IGF2BP2: variants seen among roughly 807,000 people sequenced by gnomAD.
IGF2BP2 encodes the protein insulin like growth factor 2 mRNA binding protein 2, also known as insulin-like growth factor 2 mRNA-binding protein 2.
Under a neutral mutation model 75.8 loss-of-function variants are expected in IGF2BP2, and 17 were observed. The observed-to-expected ratio is 0.22, with a 90% CI of 0.15 to 0.34. IGF2BP2 has a LOEUF of 0.34. Ranked by LOEUF, IGF2BP2 falls within the 10% of genes least tolerant of loss-of-function variation. The pLI, the probability that IGF2BP2 is intolerant of heterozygous loss-of-function variation, is 1.00. For synonymous variants in IGF2BP2, 288 were observed against 295.6 expected (o/e 0.97, Z 0.26); for missense variants, 516 against 772.4 (o/e 0.67, Z 3.93).
chr3:185,706,884 G>A (rs1396743669), intron 2 of IGF2BP2, among the ~76,000 whole-genome samples: 1 of 151,826 alleles, frequency 6.6e-6, no homozygotes, highest in African/African-American at 2.4e-5. Context: ...GGGATGACAG[G>A]AGCGCACCAC....
chr3:185,812,810 C>G (rs1740083873), intron 2 of IGF2BP2, among the ~76,000 whole-genome samples: 1 of 152,174 alleles, frequency 6.6e-6, no homozygotes. Flanking sequence ...TTGGCATCTC[C>G]TTGGAATCCT....
At chr3:185,823,253 A>G in intron 1 of IGF2BP2, 40 bp from the exon 2 acceptor site, 3 of 1,528,916 alleles carry the variant, frequency 2.0e-6, no homozygotes, top group South Asian at 2.4e-5. Flanking sequence ...CCTTGCTTAG[A>G]TCAAGCCCGC....
chr3:185,810,634 C>T (rs565511694), intron 2 of IGF2BP2, among the ~76,000 whole-genome samples: 7 of 152,114 alleles, frequency 4.6e-5, no homozygotes, highest in African/African-American at 1.4e-4. Context: ...ATTAGCCAAG[C>T]GTGGTGGCGG....
chr3:185,803,951 C>T (rs1172356245), intron 2 of IGF2BP2, among the ~76,000 whole-genome samples: 1 of 152,012 alleles, frequency 6.6e-6, no homozygotes, highest in Non-Finnish European at 1.5e-5. Flanking sequence ...TGGTGAAACC[C>T]TATCTCTACT....
chr3:185,678,712 G>T (rs1017726974), intron 7 of IGF2BP2, among the ~76,000 whole-genome samples: 1 of 152,100 alleles, frequency 6.6e-6, no homozygotes, highest in African/African-American at 2.4e-5. Flanking sequence ...ATCCATTATT[G>T]AAAGTAGGGC....
intron 2 of IGF2BP2, among the ~76,000 whole-genome samples, chr3:185,760,435 T>G (rs1383652743): frequency 3.3e-5 from 5 of 152,162 alleles, no homozygotes; most frequent in Non-Finnish European, 5.9e-5. Flanking sequence ...AAGTGTACAG[T>G]TCAATGATTT....
rs189610455 is a variant in IGF2BP2 at position 185,785,560 on chromosome 3, T to C, written c.239+37593A>G. Among the ~76,000 whole-genome samples the C allele has an allele frequency of 2.5e-3, 384 of 152,152 alleles. 2 individuals carry two copies. Among genetic ancestry groups the C allele is most frequent in the Non-Finnish European group, 3.1e-3 (213 of 68,004 alleles). On this transcript the variant is annotated intron_variant, in intron 2 of 15. Transcript: ENST00000382199. Reference sequence around the variant, plus strand: ...TGTCCACAGCATGGTGGCTTGTGCCTGTAATTCCAGCAACTTGGGAGACCA... The same window carrying C: ...TGTCCACAGCATGGTGGCTTGTGCCCGTAATTCCAGCAACTTGGGAGACCA...
chr3:185,656,913 TGTGAA>T (rs1166220490), intron 12 of IGF2BP2, among the ~76,000 whole-genome samples: 5 of 152,360 alleles, frequency 3.3e-5, no homozygotes, highest in Admixed American at 6.5e-5. Flanking sequence ...GTTCAGGGCC[TGTGAA>T]GTGGAGACTC....
intron 2 of IGF2BP2, among the ~76,000 whole-genome samples, chr3:185,793,650 T>C (rs942167411): frequency 2.6e-5 from 4 of 152,188 alleles, no homozygotes; most frequent in African/African-American, 7.2e-5. Flanking sequence ...CTCTTTTCTA[T>C]GGGTTGCTGA....
intron 4 of IGF2BP2, among the ~76,000 whole-genome samples, chr3:185,696,132 A>G (rs1308688495): frequency 6.6e-6 from 1 of 151,980 alleles, no homozygotes; most frequent in Non-Finnish European, 1.5e-5. Context: ...TCCCTGCAAG[A>G]CTCTTACTCA....
intron 2 of IGF2BP2, among the ~76,000 whole-genome samples, chr3:185,769,544 A>C (rs1405350978): frequency 6.6e-6 from 1 of 152,078 alleles, no homozygotes; most frequent in African/African-American, 2.4e-5. Context: ...TGGTCTCCAA[A>C]GATTAGAAAT....
chr3:185,689,701 G>C (rs2149320849), intron 5 of IGF2BP2, 74 bp from the exon 6 acceptor site: 1 of 1,562,700 alleles, frequency 6.4e-7, no homozygotes, highest in East Asian at 2.2e-5. Context: ...GGGCGCGGTG[G>C]CTCACGCCTG....
chr3:185,724,669 T>G (rs1303899197), intron 2 of IGF2BP2: 1 of 152,208 alleles, frequency 6.6e-6, no homozygotes, highest in Non-Finnish European at 1.5e-5. Context: ...TGAGTGACAG[T>G]GTTCTAGTGT....
intron 2 of IGF2BP2, among the ~76,000 whole-genome samples, chr3:185,746,802 T>A (rs979487293): frequency 3.9e-5 from 6 of 152,176 alleles, no homozygotes; most frequent in Non-Finnish European, 5.9e-5. Flanking sequence ...AGCTATTATA[T>A]AGCAAAAGAG....
At chr3:185,676,279 C>A (rs1020948040) in intron 7 of IGF2BP2, among the ~76,000 whole-genome samples, 1 of 152,138 alleles carries the variant, frequency 6.6e-6, no homozygotes, top group Non-Finnish European at 1.5e-5. Context: ...AGGTCTCTTT[C>A]CCCCTCACAC....
intron 2 of IGF2BP2, among the ~76,000 whole-genome samples, chr3:185,772,102 T>A (rs1733955309): frequency 6.6e-6 from 1 of 152,172 alleles, no homozygotes; most frequent in African/African-American, 2.4e-5. Context: ...TGTATTTATT[T>A]GGTTTCTTTT....
intron 2 of IGF2BP2, among the ~76,000 whole-genome samples, chr3:185,729,161 G>C (rs1727789164): frequency 6.6e-6 from 1 of 151,880 alleles, no homozygotes; most frequent in Admixed American, 6.6e-5. Flanking sequence ...AAAATATTTG[G>C]TGTGACAAAA....
intron 2 of IGF2BP2, among the ~76,000 whole-genome samples, chr3:185,702,732 C>T (rs964064219): frequency 6.6e-6 from 1 of 152,102 alleles, no homozygotes; most frequent in South Asian, 2.1e-4. Context: ...TGACTCCCTG[C>T]TGCTGCCTCC....
At chr3:185,665,114 G>A (rs1717089775) in intron 10 of IGF2BP2, among the ~76,000 whole-genome samples, 2 of 149,984 alleles carry the variant, frequency 1.3e-5, no homozygotes, top group African/African-American at 4.9e-5. Context: ...GCAGTGAGCT[G>A]GGATCACACC....
Sources: allele counts gnomAD v4.1 joint callset (sites outside exome capture counted in the v4.1 genomes callset), GRCh38; gene constraint gnomAD v4.1.1; transcripts MANE v1.5; gene names NCBI Gene and HGNC (gene_info 2026-07-23, HGNC 2026-07-21).